The following PLXNB1 variants were observed in gnomAD, a reference collection of about 807,000 sequenced individuals.
PLXNB1 encodes plexin-B1.
In PLXNB1, 106 loss-of-function variants were observed where a neutral mutation model predicts 209.4. The ratio of observed to expected loss-of-function variants is 0.51; its 90% CI spans 0.43 to 0.59. The LOEUF (loss-of-function observed/expected upper bound fraction) is 0.59, where lower values mean the gene tolerates loss of function less well. Among genes scored for constraint, PLXNB1 ranks in the 20% least tolerant of loss-of-function variants. The pLI is 0.00. For synonymous variants in PLXNB1, 1,167 were observed against 1,183.2 expected (o/e 0.99, Z 0.28); for missense variants, 2,357 against 2,853.2 (o/e 0.83, Z 3.96).
Position 48,410,908 on chromosome 3 carries a change from C to G in PLXNB1, c.5376G>C (p.Val1792=), listed in dbSNP as rs35741089. 1,661 of 1,613,340 alleles carry G rather than the reference C, an allele frequency of 1.0e-3. 17 individuals carry two copies. The African/African-American group carries it at 0.02, about 19-fold the overall frequency. Residue 1792 remains valine (V), a synonymous_variant, in exon 29 of 38, where the codon GTG becomes GTC. Transcript: ENST00000296440. This position sits in a 1 kb window ranked among gnomAD's most constrained non-coding sequence, Gnocchi z 6.4. ...EKMLDQLYKG[V]PLTQRPDPRT... is the part of the protein sequence containing the mutation. ...GAGGGTCTGGCCGCTGGGTGAGAGG[C>G]ACTCCTTTATAAAGCTGGTCCAGCA...
Position 48,411,655 on chromosome 3 carries a change from T to C in PLXNB1, c.5247+208A>G, listed in dbSNP as rs919743616. 6.6e-5 allele frequency among the ~76,000 whole-genome samples: 10 copies of C among 152,164 alleles called. No homozygotes were observed. The highest frequency in any genetic ancestry group is 1.7e-4 in the African/African-American group (7 of 41,440). On this transcript the variant is annotated intron_variant, in intron 28 of 37. Coordinates refer to ENST00000296440, the MANE Select transcript of PLXNB1 (RefSeq NM_001130082.3). This position sits in a 1 kb window ranked among gnomAD's most constrained non-coding sequence, Gnocchi z 4.0. ...AGTTCCATCCCTAGCCTGGGGCACA[T>C]AGAGGCCTTATCATCAAAGTCTGCC...
rs143387323 is a variant in PLXNB1 at position 48,412,615 on chromosome 3, G to A, written c.4860C>T (p.Ile1620=). 107 of 1,613,182 alleles carry A rather than the reference G, an allele frequency of 6.6e-5. No homozygotes were observed. The highest frequency in any genetic ancestry group is 8.6e-5 in the Non-Finnish European group (102 of 1,179,886). ...LNSKLFLTKF[I]HTLESQRTFS... ...AGGTGCGCTGGCTCTCCAGCGTGTGGATGAACTGCAGCCAAAGAGAAGGGA... is the reference window on the plus strand; with the variant it reads ...AGGTGCGCTGGCTCTCCAGCGTGTGAATGAACTGCAGCCAAAGAGAAGGGA... Residue 1620 remains isoleucine (I), a synonymous_variant, in exon 26 of 38, where the codon ATC becomes ATT. Coordinates refer to ENST00000296440, the MANE Select transcript of PLXNB1 (RefSeq NM_001130082.3).
At chr3:48,422,730 T>C (rs930984858) in intron 4 of PLXNB1, 35 bp downstream of exon 4, 1 of 1,599,370 alleles carries the variant, frequency 6.3e-7, no homozygotes, top group African/African-American at 1.3e-5. Flanking sequence ...CCCTCCAGAC[T>C]CTGGGGCAGG....
Position 48,418,601 on chromosome 3 carries a change from G to A in PLXNB1, c.2956-59C>T, listed in dbSNP as rs2038264586. ...CTGGGGGAAGTGTCAGGCCTGGGGAGGGGTTAGTCAGAGAAAGGACTAAAA... is the reference window on the plus strand; with the variant it reads ...CTGGGGGAAGTGTCAGGCCTGGGGAAGGGTTAGTCAGAGAAAGGACTAAAA... On this transcript the variant is annotated intron_variant, in intron 13 of 37. Coordinates refer to ENST00000296440, the MANE Select transcript of PLXNB1 (RefSeq NM_001130082.3). The surrounding 1 kb of genome is among the most constrained non-coding windows in gnomAD (Gnocchi z 6.6). The A allele has an allele frequency of 2.1e-6, 3 of 1,427,720 alleles. No homozygotes were observed. Among genetic ancestry groups the A allele is most frequent in the African/African-American group, 2.8e-5 (2 of 70,586 alleles). 88.4% of individuals were successfully genotyped at this position (1,427,720 alleles called of 1,614,324 possible).
In PLXNB1 at chr3:48,419,625, G is replaced by A. The variant is rs1041662125; in HGVS notation, c.2661C>T (p.Leu887=). Residue 887 remains leucine (L), a synonymous_variant, in exon 11 of 38, where the codon CTC becomes CTT. Transcript: ENST00000296440. The surrounding 1 kb of genome is among the most constrained non-coding windows in gnomAD (Gnocchi z 5.7). ...CATACTGGTAGTCGAGGCTGGACGG[G>A]AGGATGAGGGGGGCGGGAGGGCCCT... is the stretch of plus-strand genomic sequence containing the variant. The part of the protein sequence containing the change: ...ELEGPPAPLI[L]PSSLDYQYDT... The A allele has an allele frequency of 6.2e-7, 1 of 1,612,630 alleles. No homozygotes were observed. Among genetic ancestry groups the A allele is most frequent in the South Asian group, 1.1e-5 (1 of 91,074 alleles).
In PLXNB1 at chr3:48,424,073, C is replaced by T; in HGVS notation, c.539G>A (p.Gly180Asp). The T allele has an allele frequency of 1.9e-6, 3 of 1,572,946 alleles. 1 individual carries two copies. The highest frequency in any genetic ancestry group is 2.3e-5 in the South Asian group (2 of 87,164). ...GGCCCGGGTTGTGATGGGTGGAATG[C>T]CACCCCCCACACCCCTGCTGGTGTA... ...RGYTSRGVGG[G>D]IPPITTRALW... Residue 180 changes from glycine (G) to aspartate (D), a missense_variant, in exon 3 of 38, where the codon GGC becomes GAC. Physicochemically the swap from Gly to Asp is moderately conservative, Grantham distance 94. Transcript: ENST00000296440.
Position 48,411,109 on chromosome 3 carries a change from G to A in PLXNB1, c.5248-73C>T. ...GACCAAGACACAGGCCAAGGGCAGA[G>A]ACAACTCATGAGAAACTGCTGCCTC... is the stretch of plus-strand genomic sequence containing the variant. On this transcript the variant is annotated intron_variant, in intron 28 of 37. Coordinates refer to ENST00000296440, the MANE Select transcript of PLXNB1 (RefSeq NM_001130082.3). The surrounding 1 kb of genome is among the most constrained non-coding windows in gnomAD (Gnocchi z 4.0). The A allele has an allele frequency of 7.4e-7, 1 of 1,356,940 alleles. No individual in the cohort carries two copies. Among genetic ancestry groups the A allele is most frequent in the Non-Finnish European group, 1.0e-6 (1 of 989,824 alleles). 84.1% of individuals were successfully genotyped at this position (1,356,940 alleles called of 1,614,324 possible).
rs755889398 is a variant in PLXNB1, at chr3:48,418,073, A to T, written c.3223-11T>A. On this transcript the variant is annotated splice_polypyrimidine_tract_variant and intron_variant, in intron 15 of 37. Coordinates refer to ENST00000296440, the MANE Select transcript of PLXNB1 (RefSeq NM_001130082.3). This position sits in a 1 kb window ranked among gnomAD's most constrained non-coding sequence, Gnocchi z 6.6. ...AGTCAGTGGCTCCACCTGTTCCAGGACAAGGACTGCTCACCTCTACTCAAC... is the reference window on the plus strand; with the variant it reads ...AGTCAGTGGCTCCACCTGTTCCAGGTCAAGGACTGCTCACCTCTACTCAAC... 6.2e-7 allele frequency: 1 copy of T among 1,611,714 alleles called. No individual in the cohort carries two copies. The highest frequency in any genetic ancestry group is 8.5e-7 in the Non-Finnish European group (1 of 1,178,906).
chr3:48,428,790 G>C (rs1490107351), intron 1 of PLXNB1, among the ~76,000 whole-genome samples: 1 of 152,160 alleles, frequency 6.6e-6, no homozygotes, highest in African/African-American at 2.4e-5. Context: ...CACTTAATAT[G>C]TCTGTGTGTG....
At chr3:48,427,827 G>C (rs921012039) in intron 1 of PLXNB1, among the ~76,000 whole-genome samples, 1 of 152,156 alleles carries the variant, frequency 6.6e-6, no homozygotes, top group Non-Finnish European at 1.5e-5. Context: ...CGCTGCATGC[G>C]GTGGACAGAA....
rs377003622 is a variant in PLXNB1 at position 48,414,538 on chromosome 3, G to A, written c.4209+261C>T. 1.4e-4 allele frequency among the ~76,000 whole-genome samples: 22 copies of A among 152,300 alleles called. No individual in the cohort carries two copies. The South Asian group carries it at 3.5e-3, about 24-fold the overall frequency. On this transcript the variant is annotated intron_variant, in intron 21 of 37. Coordinates refer to ENST00000296440, the MANE Select transcript of PLXNB1 (RefSeq NM_001130082.3). ...ACACCACCCAGCTACTGCACAGGCCGAACATACAAATGCAGTCATTCCAGA... is the reference window on the plus strand; with the variant it reads ...ACACCACCCAGCTACTGCACAGGCCAAACATACAAATGCAGTCATTCCAGA...
rs780301431 is a variant in PLXNB1, at chr3:48,409,688, A to G, written c.5822T>C (p.Leu1941Pro). The G allele has an allele frequency of 1.2e-6, 2 of 1,613,898 alleles. No homozygotes were observed. The highest frequency in any genetic ancestry group is 3.3e-5 in the Admixed American group (2 of 60,020). ...GAGCGGCACGGGGCGGCTGGTGCTGAGAATCACCTGGAACAGGTCATCCAC... is the reference window on the plus strand; with the variant it reads ...GAGCGGCACGGGGCGGCTGGTGCTGGGAATCACCTGGAACAGGTCATCCAC... ...KFVDDLFQVI[L>P]STSRPVPLAV... Residue 1941 changes from leucine (L) to proline (P), a missense_variant, in exon 33 of 38, where the codon CTC (leucine) becomes CCC (proline). Transcript: ENST00000296440. The surrounding 1 kb of genome is among the most constrained non-coding windows in gnomAD (Gnocchi z 5.8).
chr3:48,418,610 C>A lies in PLXNB1; in HGVS notation c.2956-68G>T. The A allele has an allele frequency of 1.5e-6, 2 of 1,345,198 alleles. No individual in the cohort carries two copies. Among genetic ancestry groups the A allele is most frequent in the South Asian group, 1.3e-5 (1 of 79,922 alleles). 83.3% of individuals were successfully genotyped at this position (1,345,198 alleles called of 1,614,324 possible). A position where few individuals can be genotyped will look rare whatever the true frequency, so the allele number is the denominator to read the frequency against. On this transcript the variant is annotated intron_variant, in intron 13 of 37. Coordinates refer to ENST00000296440, the MANE Select transcript of PLXNB1 (RefSeq NM_001130082.3). The surrounding 1 kb of genome is among the most constrained non-coding windows in gnomAD (Gnocchi z 6.6). ...GTGTCAGGCCTGGGGAGGGGTTAGT[C>A]AGAGAAAGGACTAAAACGACCAGTT...
In PLXNB1 at chr3:48,409,367, T is replaced by C. The variant is rs1575379581; in HGVS notation, c.6049A>G (p.Met2017Val). Residue 2017 changes from methionine (M) to valine (V), a missense_variant, in exon 34 of 38, where the codon ATG becomes GTG. This residue lies in a region of PLXNB1 where 414 missense variants were observed against 520.5 expected (regional missense o/e 0.80). Transcript: ENST00000296440. The surrounding 1 kb of genome is among the most constrained non-coding windows in gnomAD (Gnocchi z 5.8). The part of the protein sequence containing the change: ...AVLLVIAQTF[M>V]DACTLADHKL... ...TGGTCGGCCAGGGTGCAGGCGTCCA[T>C]GAAGGTCTGTGCAATGACAAGGAGC... 6.2e-7 allele frequency: 1 copy of C among 1,614,172 alleles called. No individual in the cohort carries two copies. The highest frequency in any genetic ancestry group is 8.5e-7 in the Non-Finnish European group (1 of 1,180,038).
At position 48,416,158 on chromosome 3, in the gene PLXNB1, C is replaced by A. The variant is rs765898298; in HGVS notation, c.3490G>T (p.Val1164Phe). Residue 1164 changes from valine (V) to phenylalanine (F), a missense_variant, in exon 18 of 38, where the codon GTC becomes TTC. By Grantham distance (50) the Val-to-Phe change is conservative (BLOSUM62 -1). Coordinates refer to ENST00000296440, the MANE Select transcript of PLXNB1 (RefSeq NM_001130082.3). This position sits in a 1 kb window ranked among gnomAD's most constrained non-coding sequence, Gnocchi z 4.1. ...EHDFAYQDPK[V>F]HSIFPARGPR... Reference sequence around the variant, plus strand: ...CCGCGGGCCGGGAAGATGGAATGGACCTTCGGATCCTGTGGGACAGACAGG... The same window carrying A: ...CCGCGGGCCGGGAAGATGGAATGGAACTTCGGATCCTGTGGGACAGACAGG... 11 of 1,598,580 alleles carry A rather than the reference C, an allele frequency of 6.9e-6. No homozygotes were observed. The highest frequency in any genetic ancestry group is 5.6e-5 in the South Asian group (5 of 88,912).
Position 48,421,600 on chromosome 3 carries a change from G to A in PLXNB1, c.1653+74C>T, listed in dbSNP as rs544913985. On this transcript the variant is annotated intron_variant, in intron 7 of 37. Transcript: ENST00000296440. ...GTGGTATCTGGCATGTCCGACATCA[G>A]GATCCAAGATCTCTACCCAGACCTT... 3.5e-5 allele frequency: 50 copies of A among 1,436,146 alleles called. 1 individual carries two copies. The African/African-American group carries it at 6.3e-4, about 18-fold the overall frequency. 89.0% of individuals were successfully genotyped at this position (1,436,146 alleles called of 1,614,324 possible).
Position 48,423,872 on chromosome 3 carries a change from T to A in PLXNB1, c.740A>T (p.Tyr247Phe). 6.2e-6 allele frequency: 10 copies of A among 1,613,878 alleles called. No homozygotes were observed. The highest frequency in any genetic ancestry group is 7.6e-6 in the Non-Finnish European group (9 of 1,179,972). The part of the protein sequence containing the change: ...LQAQSRAFRA[Y>F]VSRVCLRDQH... ...GTCCCGGAGACACACTCGAGATACA[T>A]AGGCACGAAAAGCTCTAGACTGAGC... The change falls in exon 3 of 38, where the codon TAT becomes TTT. Residue 247 changes from tyrosine to phenylalanine, a missense_variant. Physicochemically the swap from Tyr to Phe is conservative, Grantham distance 22 (BLOSUM62 3). Around this residue, in one of 7 missense-constraint regions of PLXNB1, gnomAD observed 404 missense variants for 443.6 expected, o/e 0.91. Coordinates refer to ENST00000296440, the MANE Select transcript of PLXNB1 (RefSeq NM_001130082.3).
Position 48,411,577 on chromosome 3 carries a change from C to G in PLXNB1, c.5247+286G>C, listed in dbSNP as rs1045708137. On this transcript the variant is annotated intron_variant, in intron 28 of 37. Coordinates refer to ENST00000296440, the MANE Select transcript of PLXNB1 (RefSeq NM_001130082.3). This position sits in a 1 kb window ranked among gnomAD's most constrained non-coding sequence, Gnocchi z 4.0. ...GGGTCAGGCCCTGACACAGCTCAAG[C>G]CCATGGTCTAAGGTAGGGCTGGCTT... 6.6e-6 allele frequency among the ~76,000 whole-genome samples: 1 copy of G among 152,178 alleles called. No homozygotes were observed. Among genetic ancestry groups the G allele is most frequent in the Non-Finnish European group, 1.5e-5 (1 of 68,024 alleles).
chr3:48,404,899 T>C (rs574183225), intron 37 of PLXNB1, among the ~76,000 whole-genome samples: 2 of 152,242 alleles, frequency 1.3e-5, no homozygotes, highest in African/African-American at 4.8e-5. Flanking sequence ...ATTTCCCAAG[T>C]TCCTGTCTGC....
Sources: gnomAD v4.1 joint callset for allele counts (sites outside exome capture counted in the v4.1 genomes callset) on GRCh38, gnomAD v4.1.1 for gene constraint, gnomAD v4.1.1 regional missense constraint, Gnocchi (gnomAD v3.1) non-coding constraint, MANE v1.5 for transcripts, NCBI Gene and HGNC (gene_info 2026-07-23, HGNC 2026-07-21) for gene names.